The following TRPV2 variants were observed in gnomAD, a reference collection of about 807,000 sequenced individuals.
TRPV2 encodes the protein OTRPC2.
A neutral mutation model predicts 91.0 loss-of-function variants in TRPV2; 58 were observed. The observed-to-expected ratio is 0.64, with a 90% confidence interval of 0.52 to 0.79. TRPV2 has a LOEUF of 0.79. TRPV2 is among the 30% of genes least tolerant of loss of function. TRPV2 has a pLI of 0.00. For synonymous variants in TRPV2, 417 were observed against 414.8 expected, an observed-to-expected ratio of 1.01 and a Z score of -0.06; for missense variants, 807 against 969.6, an observed-to-expected ratio of 0.83 and a Z score of 2.23.
intron 5 of TRPV2, 81 bp downstream of exon 5, chr17:16,423,848 G>T: frequency 1.4e-6 from 2 of 1,423,546 alleles, no homozygotes; most frequent in African/African-American, 2.8e-5. Flanking sequence ...AAGAACCCAG[G>T]GGGTGGTGAA....
In TRPV2 at chr17:16,422,855, C is replaced by A. The variant is rs1184993835; in HGVS notation, c.591C>A (p.Phe197Leu). The stretch of plus-strand genomic sequence containing the variant: ...TGCATGCCCGGGCCTGCGGCCGCTT[C>A]TTCCAGAAGGGCCAAGGGACTTGCT... ...ANVHARACGRFFQKGQGTCFY... is the reference protein window; with the variant it reads ...ANVHARACGRLFQKGQGTCFY... The change falls in exon 4 of 15, where the codon TTC becomes TTA. Residue 197 changes from phenylalanine to leucine, a missense_variant. Physicochemically the swap from Phe to Leu is conservative, Grantham distance 22. Coordinates refer to ENST00000338560, the MANE Select transcript of TRPV2 (RefSeq NM_016113.5). 1.3e-6 allele frequency: 2 copies of A among 1,570,188 alleles called. No homozygotes were observed. Among genetic ancestry groups the A allele is most frequent in the Non-Finnish European group, 1.7e-6 (2 of 1,155,868 alleles).
intron 5 of TRPV2, among the ~76,000 whole-genome samples, chr17:16,424,435 C>T (rs2093373454): frequency 6.6e-6 from 1 of 152,126 alleles, no homozygotes; most frequent in Non-Finnish European, 1.5e-5. Flanking sequence ...GCTGGGATTA[C>T]AGGCACGCGC....
chr17:16,421,584 T>C (rs1340734012), intron 3 of TRPV2, among the ~76,000 whole-genome samples: 1 of 141,082 alleles, frequency 7.1e-6, no homozygotes. Flanking sequence ...TGCAGTGGCG[T>C]GATCTCAGCT....
At chr17:16,431,931 C>T (rs1568920019) in intron 11 of TRPV2, 35 bp from the exon 12 acceptor site, 4 of 1,611,916 alleles carry the variant, frequency 2.5e-6, no homozygotes, top group South Asian at 1.1e-5. Context: ...CCACCGGTCT[C>T]CTGGGCTAAG....
At chr17:16,420,835 C>T (rs2142984421) in intron 3 of TRPV2, among the ~76,000 whole-genome samples, 1 of 152,142 alleles carries the variant, frequency 6.6e-6, no homozygotes, top group South Asian at 2.1e-4. Flanking sequence ...AGGCTGGCCT[C>T]AAACTCCTGG....
chr17:16,418,340 G>A (rs1341221857), intron 2 of TRPV2, among the ~76,000 whole-genome samples: 3 of 152,150 alleles, frequency 2.0e-5, no homozygotes, highest in Non-Finnish European at 4.4e-5. Flanking sequence ...TCTGCTTGGA[G>A]TCATCTGCAC....
chr17:16,426,585 TG>T lies in TRPV2; in HGVS notation c.1096-133del. 9.5e-7 allele frequency: 1 copy of T among 1,057,944 alleles called. No individual in the cohort carries two copies. Among genetic ancestry groups the T allele is most frequent in the East Asian group, 2.6e-5 (1 of 38,612 alleles). The allele number at this position is 1,057,944 out of a possible 1,614,324, so 65.5% of individuals were successfully genotyped here. A position where few individuals can be genotyped will look rare whatever the true frequency, so the allele number is the denominator to read the frequency against. On this transcript the variant is annotated intron_variant, in intron 6 of 14. Transcript: ENST00000338560. This position sits in a 1 kb window ranked among gnomAD's most constrained non-coding sequence, Gnocchi z 6.0. ...CTGGGAGGGTTGGCGTGAGGTCCTTTGGGGCTCCTGGGGTGTGGAAGCCTGC... is the reference window on the plus strand; with the variant it reads ...CTGGGAGGGTTGGCGTGAGGTCCTTTGGGCTCCTGGGGTGTGGAAGCCTGC...
chr17:16,432,329 C>A, intron 12 of TRPV2, 29 bp downstream of exon 12: 1 of 1,574,422 alleles, frequency 6.4e-7, no homozygotes, highest in South Asian at 1.2e-5. Flanking sequence ...CCTGCCCCCA[C>A]CCCACCCCAC....
chr17:16,425,973 G>A (rs1417029994), intron 5 of TRPV2, 126 bp from the exon 6 acceptor site: 10 of 1,010,770 alleles, frequency 9.9e-6, no homozygotes, highest in South Asian at 4.5e-5. Flanking sequence ...ATGGGGGTAC[G>A]TGCACGTGTC....
At position 16,417,858 on chromosome 17, in the gene TRPV2, A is replaced by G. The variant is rs932597554; in HGVS notation, c.190A>G (p.Thr64Ala). The G allele has an allele frequency of 5.6e-6, 9 of 1,613,826 alleles. No homozygotes were observed. Among genetic ancestry groups the G allele is most frequent in the African/African-American group, 1.3e-5 (1 of 74,930 alleles). The change falls in exon 2 of 15, where the codon ACA (threonine) becomes GCA (alanine). Residue 64 changes from threonine (T) to alanine (A), a missense_variant. By Grantham distance (58) the Thr-to-Ala change is moderately conservative. Coordinates refer to ENST00000338560, the MANE Select transcript of TRPV2 (RefSeq NM_016113.5). ...AGTCAACCTCAACTACCGAAAGGGA[A>G]CAGGTGCCAGGTGAGACAGCAAGTG... ...IRVNLNYRKG[T>A]GASQPDPNRF...
At chr17:16,431,314 G>A (rs1402387912) in intron 10 of TRPV2, among the ~76,000 whole-genome samples, 9 of 71,458 alleles carry the variant, frequency 1.3e-4, no homozygotes, top group African/African-American at 5.4e-4. Flanking sequence ...TTTTTTTTGA[G>A]ACGAAGTCTC....
chr17:16,417,964 C>A, intron 2 of TRPV2, 96 bp downstream of exon 2: 1 of 1,213,216 alleles, frequency 8.2e-7, no homozygotes, highest in Non-Finnish European at 1.2e-6. Context: ...AGCACCAGTG[C>A]CCCTTCCCAC....
At position 16,420,217 on chromosome 17, in the gene TRPV2, C is replaced by CTGCTTGT; in HGVS notation, c.303_304insTGCTTGT (p.Ser102CysfsTer3). The CTGCTTGT allele has an allele frequency of 6.2e-7, 1 of 1,614,038 alleles. No homozygotes were observed. Reference sequence around the variant, plus strand: ...GACTTCCAGAGTACCTGAGCAAGACCAGCAAGTACCTCACCGACTCGGAAT... The same window carrying CTGCTTGT: ...GACTTCCAGAGTACCTGAGCAAGACCTGCTTGTAGCAAGTACCTCACCGACTCGGAAT... On this transcript the variant is annotated frameshift_variant, in exon 3 of 15. Transcript: ENST00000338560. LOFTEE classifies it high-confidence loss of function.
intron 3 of TRPV2, among the ~76,000 whole-genome samples, chr17:16,422,315 T>G (rs1223658580): frequency 1.7e-5 from 2 of 116,246 alleles, no homozygotes; most frequent in African/African-American, 3.7e-5. Flanking sequence ...AGAGCAAGAC[T>G]CTGTCTCAAA....
In TRPV2 at chr17:16,436,869, C is replaced by A. The variant is rs2093436023; in HGVS notation, c.2275C>A (p.Gln759Lys). ...GASEENYVPV[Q>K]LLQSN ...CTCTGAGGAAAACTATGTGCCCGTC[C>A]AGCTCCTCCAGTCCAACTGATGGCC... The change falls in exon 15 of 15, where the codon CAG becomes AAG. Residue 759 changes from glutamine (Q) to lysine (K), a missense_variant. Transcript: ENST00000338560. 6 of 1,614,096 alleles carry A rather than the reference C, an allele frequency of 3.7e-6. No homozygotes were observed. Among genetic ancestry groups the A allele is most frequent in the Non-Finnish European group, 5.1e-6 (6 of 1,179,940 alleles).
Position 16,431,983 on chromosome 17 carries a change from C to T in TRPV2, c.1672C>T (p.Gln558Ter). The stretch of plus-strand genomic sequence containing the variant: ...TCCCATAGCCCTGGTGAGCCTGAGC[C>T]AGGAGGCTTGGCGCCCCGAAGCTCC... ...GFAVALVSLS[Q>*]EAWRPEAPTG... Residue 558 changes from glutamine (Q) to a stop codon, truncating the protein, a stop_gained, in exon 12 of 15, where the codon CAG becomes TAG. Coordinates refer to ENST00000338560, the MANE Select transcript of TRPV2 (RefSeq NM_016113.5). LOFTEE classifies it high-confidence loss of function. 1 of 1,604,920 alleles carries T rather than the reference C, an allele frequency of 6.2e-7. No individual in the cohort carries two copies. Among genetic ancestry groups the T allele is most frequent in the East Asian group, 2.2e-5 (1 of 44,710 alleles).
intron 3 of TRPV2, 71 bp downstream of exon 3, chr17:16,420,319 G>T: frequency 3.9e-6 from 6 of 1,549,284 alleles, no homozygotes; most frequent in South Asian, 1.2e-5. Flanking sequence ...GTGTGGGCTT[G>T]ATCCCTGGTC....
intron 1 of TRPV2, 25 bp from the exon 2 acceptor site, chr17:16,417,537 A>C (rs1483550106): frequency 3.2e-6 from 3 of 947,872 alleles, no homozygotes; most frequent in Non-Finnish European, 4.7e-6. Context: ...AGCCTTTTGC[A>C]CTAACCTAAT....
chr17:16,425,869 G>A (rs1600973845), intron 5 of TRPV2, among the ~76,000 whole-genome samples: 1 of 152,188 alleles, frequency 6.6e-6, no homozygotes, highest in Non-Finnish European at 1.5e-5. Context: ...GGCAGGGGAG[G>A]GGAAGGAAGA....
Sources: allele counts gnomAD v4.1 joint callset (sites outside exome capture counted in the v4.1 genomes callset), GRCh38; gene constraint gnomAD v4.1.1; non-coding constraint Gnocchi (gnomAD v3.1); transcripts MANE v1.5; gene names NCBI Gene and HGNC (gene_info 2026-07-23, HGNC 2026-07-21).